Variants in LAMB3 observed in about 807,000 individuals in gnomAD.
LAMB3 encodes the protein laminin subunit beta 3.
LAMB3 carries 104 observed loss-of-function variants against 140.3 expected under a neutral mutation model. The observed-to-expected ratio is 0.74, with a 90% CI of 0.63 to 0.87. The LOEUF is 0.87. Among genes scored for constraint, LAMB3 ranks in the 40% least tolerant of loss-of-function variants. LAMB3 has a pLI of 0.00. For synonymous variants in LAMB3, 592 were observed against 602.9 expected (o/e 0.98, Z 0.26); for missense variants, 1,531 against 1,575.2 (o/e 0.97, Z 0.47).
chr1:209,617,660 C>T (rs1666023058), intron 20 of LAMB3, 74 bp from the exon 21 acceptor site: 1 of 1,557,014 alleles, frequency 6.4e-7, no homozygotes. Flanking sequence ...ATTTTTTCTC[C>T]AACTCATCAG....
intron 3 of LAMB3, among the ~76,000 whole-genome samples, chr1:209,641,351 C>G (rs1222399066): frequency 6.6e-6 from 1 of 152,054 alleles, no homozygotes; most frequent in Non-Finnish European, 1.5e-5. Flanking sequence ...ATGCAATAAC[C>G]TACTTAAATC....
chr1:209,630,138 A>T (rs1381691236), intron 9 of LAMB3, among the ~76,000 whole-genome samples: 11 of 152,198 alleles, frequency 7.2e-5, no homozygotes, highest in Non-Finnish European at 1.6e-4. Context: ...AGCCTTCCTG[A>T]TTCTTACTGT....
At chr1:209,620,138 T>C (rs1340200416) in intron 18 of LAMB3, among the ~76,000 whole-genome samples, 3 of 152,202 alleles carry the variant, frequency 2.0e-5, no homozygotes, top group Non-Finnish European at 4.4e-5. Context: ...CGGTATGACA[T>C]TCAGTCGCAG....
chr1:209,631,928 C>CA (rs2102433109), intron 8 of LAMB3, among the ~76,000 whole-genome samples: 1 of 152,316 alleles, frequency 6.6e-6, no homozygotes, highest in South Asian at 2.1e-4. Context: ...GGACAGCTGT[C>CA]ACGCTCCCAT....
chr1:209,648,617 G>A (rs900900060), intron 3 of LAMB3, among the ~76,000 whole-genome samples: 3 of 152,130 alleles, frequency 2.0e-5, no homozygotes, highest in Non-Finnish European at 4.4e-5. Flanking sequence ...CAGAGGGCAG[G>A]CCAGTGTTAA....
In LAMB3 at chr1:209,617,402, C is replaced by T. The variant is rs766237664; in HGVS notation, c.3228+8G>A. 1 of 1,612,264 alleles carries T rather than the reference C, an allele frequency of 6.2e-7. No individual in the cohort carries two copies. The highest frequency in any genetic ancestry group is 8.5e-7 in the Non-Finnish European group (1 of 1,180,006). ...TACATCATTGAGCTAACTCCGCCTT[C>T]TCTGTACCTCTTGGGCACTCAATGC... On this transcript the variant is annotated splice_region_variant and intron_variant, in intron 21 of 22. Coordinates refer to ENST00000356082, the MANE Select transcript of LAMB3 (RefSeq NM_000228.3).
At position 209,623,128 on chromosome 1, in the gene LAMB3, C is replaced by T. The variant is rs749971678; in HGVS notation, c.2410G>A (p.Glu804Lys). Residue 804 changes from glutamate to lysine, a missense_variant, in exon 17 of 23, where the codon GAG becomes AAG. By Grantham distance (56) the Glu-to-Lys change is moderately conservative (BLOSUM62 1). Transcript: ENST00000356082. The surrounding 1 kb of genome is among the most constrained non-coding windows in gnomAD (Gnocchi z 4.2). ...MACTPISCPG[E>K]LCPQDNGTAC... is the part of the protein sequence containing the mutation. ...GTGCCATTGTCTTGGGGACATAGCT[C>T]ACCAGGGCATGATATTGGGGTGCAA... 5 of 1,614,210 alleles carry T rather than the reference C, an allele frequency of 3.1e-6. No individual in the cohort carries two copies. The highest frequency in any genetic ancestry group is 4.2e-6 in the Non-Finnish European group (5 of 1,180,036).
At position 209,618,270 on chromosome 1, in the gene LAMB3, G is replaced by A. The variant is rs2076221; in HGVS notation, c.2909+182C>T. ...ACACCTTCTGGGCGGTTTCCAATAC[G>A]GAAGACACAGTCATGCAAATTAAGT... is the stretch of plus-strand genomic sequence containing the variant. On this transcript the variant is annotated intron_variant, in intron 19 of 22. Transcript: ENST00000356082. 0.35 allele frequency among the ~76,000 whole-genome samples: 52,821 copies of A among 152,064 alleles called. 9,959 individuals carry two copies. Among genetic ancestry groups the A allele is most frequent in the African/African-American group, 0.5 (20,752 of 41,462 alleles).
Position 209,627,519 on chromosome 1 carries a change from C to A in LAMB3, c.1349G>T (p.Arg450Leu). 1.2e-6 allele frequency: 2 copies of A among 1,614,058 alleles called. No individual in the cohort carries two copies. The highest frequency in any genetic ancestry group is 1.1e-5 in the South Asian group (1 of 91,078). The change falls in exon 12 of 23, where the codon CGC becomes CTC. Residue 450 changes from arginine (R) to leucine (L), a missense_variant. Physicochemically the swap from Arg to Leu is moderately radical, Grantham distance 102. Coordinates refer to ENST00000356082, the MANE Select transcript of LAMB3 (RefSeq NM_000228.3). ...RDMPCDEESGRCLCLPNVVGP... is the reference protein window; with the variant it reads ...RDMPCDEESGLCLCLPNVVGP... ...CACCACGTTGGGCAGACAAAGGCAG[C>A]GCCCACTCTCCTCGTCACACGGCAT...
chr1:209,648,187 G>GA (rs1169990269), intron 3 of LAMB3, among the ~76,000 whole-genome samples: 1 of 152,168 alleles, frequency 6.6e-6, no homozygotes, highest in Non-Finnish European at 1.5e-5. Flanking sequence ...GAAGATGGGG[G>GA]AGAGATGCTG....
intron 1 of LAMB3, 68 bp from the exon 2 acceptor site, chr1:209,651,049 TTC>T: frequency 9.5e-7 from 1 of 1,054,104 alleles, no homozygotes; most frequent in Admixed American, 1.7e-5. Context: ...CCTTTTTCTT[TTC>T]TGTTTCTAGA....
Position 209,623,269 on chromosome 1 carries a change from C to G in LAMB3, c.2359-90G>C, listed in dbSNP as rs1348256118. 15 of 1,324,564 alleles carry G rather than the reference C, an allele frequency of 1.1e-5. No individual in the cohort carries two copies. The highest frequency in any genetic ancestry group is 7.3e-5 in the East Asian group (3 of 40,996). The allele number at this position is 1,324,564 out of a possible 1,614,324, so 82.1% of individuals were successfully genotyped here. A position where few individuals can be genotyped will look rare whatever the true frequency, so the allele number is the denominator to read the frequency against. ...ACCTGGGAAACCAACAGCCAGACATCTCCATGACAACCAAGCACCAGAAAC... is the reference window on the plus strand; with the variant it reads ...ACCTGGGAAACCAACAGCCAGACATGTCCATGACAACCAAGCACCAGAAAC... On this transcript the variant is annotated intron_variant, in intron 16 of 22. Coordinates refer to ENST00000356082, the MANE Select transcript of LAMB3 (RefSeq NM_000228.3). This position sits in a 1 kb window ranked among gnomAD's most constrained non-coding sequence, Gnocchi z 4.2.
At position 209,621,792 on chromosome 1, in the gene LAMB3, G is replaced by C. The variant is rs191250859; in HGVS notation, c.2701+744C>G. Among the ~76,000 whole-genome samples the C allele has an allele frequency of 3.3e-5, 5 of 152,196 alleles. No homozygotes were observed. In the East Asian group the frequency reaches 9.7e-4, roughly 29 times the overall value. ...CTCACTCCCCAGAGCAGTGAGGAAGGGTGTCTGGTTCATTTATTCATGCCA... is the reference window on the plus strand; with the variant it reads ...CTCACTCCCCAGAGCAGTGAGGAAGCGTGTCTGGTTCATTTATTCATGCCA... On this transcript the variant is annotated intron_variant, in intron 18 of 22. Coordinates refer to ENST00000356082, the MANE Select transcript of LAMB3 (RefSeq NM_000228.3).
In LAMB3 at chr1:209,615,036, A is replaced by C; in HGVS notation, c.*235T>G. The C allele has an allele frequency of 1.8e-6, 1 of 542,384 alleles. No homozygotes were observed. The highest frequency in any genetic ancestry group is 3.3e-6 in the Non-Finnish European group (1 of 305,756). The allele number at this position is 542,384 out of a possible 1,614,324, so 33.6% of individuals were successfully genotyped here. The stretch of plus-strand genomic sequence containing the variant: ...CAGCTTCCTTGACTTGAGAGCTCTT[A>C]GTTTCAATGGCATGCCAATCTCCAC... On this transcript the variant is annotated 3_prime_UTR_variant, in exon 23 of 23. Coordinates refer to ENST00000356082, the MANE Select transcript of LAMB3 (RefSeq NM_000228.3).
intron 6 of LAMB3, among the ~76,000 whole-genome samples, chr1:209,633,972 C>G (rs1243893659): frequency 6.6e-6 from 1 of 152,216 alleles, no homozygotes; most frequent in East Asian, 1.9e-4. Context: ...AGAATTCGGG[C>G]TCTGGGTTTA....
At chr1:209,634,387 G>T (rs1666813835) in intron 6 of LAMB3, 60 bp downstream of exon 6, 1 of 1,535,284 alleles carries the variant, frequency 6.5e-7, no homozygotes, top group South Asian at 1.1e-5. Context: ...GTGGCTGTGT[G>T]AACAGTGGGA....
chr1:209,635,976 G>C (rs559212027), intron 5 of LAMB3, among the ~76,000 whole-genome samples: 1 of 152,052 alleles, frequency 6.6e-6, no homozygotes, highest in Admixed American at 6.5e-5. Context: ...TGCTCCTCCC[G>C]CTGGTGGGTT....
chr1:209,632,972 A>G, intron 7 of LAMB3, 98 bp downstream of exon 7: 1 of 1,133,122 alleles, frequency 8.8e-7, no homozygotes, highest in South Asian at 1.2e-5. Flanking sequence ...CCACGTTGAC[A>G]AAAACATGAA....
chr1:209,647,839 G>A (rs1220830167), intron 3 of LAMB3, among the ~76,000 whole-genome samples: 2 of 152,182 alleles, frequency 1.3e-5, no homozygotes, highest in African/African-American at 4.8e-5. Flanking sequence ...CTTCATGGGT[G>A]TTATAAGAAT....
Sources: gnomAD v4.1 joint callset for allele counts (sites outside exome capture counted in the v4.1 genomes callset) on GRCh38, gnomAD v4.1.1 for gene constraint, Gnocchi (gnomAD v3.1) non-coding constraint, MANE v1.5 for transcripts, NCBI Gene and HGNC (gene_info 2026-07-23, HGNC 2026-07-21) for gene names.